SLC8A3: variants seen among roughly 807,000 people sequenced by gnomAD.
The protein encoded by SLC8A3 is sodium/calcium exchanger 3.
In SLC8A3, 37 loss-of-function variants were observed where a neutral mutation model predicts 65.4. The ratio of observed to expected loss-of-function variants is 0.57; its 90% confidence interval spans 0.44 to 0.74. SLC8A3 has a LOEUF of 0.74. SLC8A3 is among the 30% of genes least tolerant of loss of function. The pLI is 0.00. For synonymous variants in SLC8A3, 461 were observed against 444.5 expected (o/e 1.04, Z -0.47); for missense variants, 1,112 against 1,172.1 (o/e 0.95, Z 0.75).
intron 2 of SLC8A3, among the ~76,000 whole-genome samples, chr14:70,075,746 A>G (rs1376905827): frequency 6.6e-6 from 1 of 152,176 alleles, no homozygotes; most frequent in Non-Finnish European, 1.5e-5. Flanking sequence ...TTTTAAAGAA[A>G]ATTATAACAT....
At chr14:70,174,231 C>A (rs369810197) in intron 1 of SLC8A3, among the ~76,000 whole-genome samples, 3 of 152,202 alleles carry the variant, frequency 2.0e-5, no homozygotes, top group Non-Finnish European at 4.4e-5. Context: ...TGGAGGCCCC[C>A]GACAAGCTTG....
intron 2 of SLC8A3, among the ~76,000 whole-genome samples, chr14:70,118,455 C>G (rs984721964): frequency 6.6e-6 from 1 of 152,196 alleles, no homozygotes; most frequent in Non-Finnish European, 1.5e-5. Context: ...TCTTCTCTGC[C>G]TAGAGCTCAG....
intron 1 of SLC8A3, among the ~76,000 whole-genome samples, chr14:70,176,524 C>T (rs1897919670): frequency 6.6e-6 from 1 of 152,196 alleles, no homozygotes; most frequent in South Asian, 2.1e-4. Context: ...AGAGAAGGAA[C>T]CTCACCTGAC....
Position 70,176,643 on chromosome 14 carries a change from T to C in SLC8A3, c.-62-8159A>G, listed in dbSNP as rs530596604. ...CGCACAAATGGGTACCACAAGACATTTCTATGCGCTGGACAAACATCTCAC... is the reference window on the plus strand; with the variant it reads ...CGCACAAATGGGTACCACAAGACATCTCTATGCGCTGGACAAACATCTCAC... On this transcript the variant is annotated intron_variant, in intron 1 of 6. Coordinates refer to ENST00000356921, the MANE Select transcript of SLC8A3 (RefSeq NM_182932.3). Among the ~76,000 whole-genome samples the C allele has an allele frequency of 1.2e-3, 185 of 152,290 alleles. 1 individual carries two copies. The highest frequency in any genetic ancestry group is 0.011 in the South Asian group (53 of 4,820).
chr14:70,057,249 C>T (rs543304621), intron 3 of SLC8A3, among the ~76,000 whole-genome samples: 2 of 152,096 alleles, frequency 1.3e-5, no homozygotes, highest in South Asian at 2.1e-4. Context: ...GGATCAATGG[C>T]TTTCCTCACT....
At chr14:70,089,160 T>A (rs1257825045) in intron 2 of SLC8A3, among the ~76,000 whole-genome samples, 1 of 152,186 alleles carries the variant, frequency 6.6e-6, no homozygotes, top group Admixed American at 6.5e-5. Flanking sequence ...TTCTAGAATG[T>A]TGTTACTTGT....
At chr14:70,066,768 G>A (rs772241638) in intron 2 of SLC8A3, among the ~76,000 whole-genome samples, 70 of 152,154 alleles carry the variant, frequency 4.6e-4, no homozygotes, top group Non-Finnish European at 6.5e-4. Context: ...CCGAGATTGT[G>A]CCATTGCACT....
At chr14:70,127,672 A>G (rs921465237) in intron 2 of SLC8A3, among the ~76,000 whole-genome samples, 4 of 152,194 alleles carry the variant, frequency 2.6e-5, no homozygotes, top group African/African-American at 9.6e-5. Context: ...CACAATTAAC[A>G]GGATATGGAC....
At chr14:70,142,247 CT>C (rs1895627488) in intron 2 of SLC8A3, among the ~76,000 whole-genome samples, 1 of 152,234 alleles carries the variant, frequency 6.6e-6, no homozygotes, top group African/African-American at 2.4e-5. Context: ...CCTGAGCTCT[CT>C]TGGGAGATGC....
chr14:70,093,892 G>A (rs892369115), intron 2 of SLC8A3, among the ~76,000 whole-genome samples: 1 of 152,220 alleles, frequency 6.6e-6, no homozygotes, highest in African/African-American at 2.4e-5. Context: ...TAGCTCATGA[G>A]TTGGGCTGAA....
At position 70,150,227 on chromosome 14, in the gene SLC8A3, A is replaced by G. The variant is rs150186302; in HGVS notation, c.1784+16412T>C. 2.2e-4 allele frequency among the ~76,000 whole-genome samples: 34 copies of G among 152,344 alleles called. 2 individuals are homozygous for G. The East Asian group carries it at 6.6e-3, about 29-fold the overall frequency. On this transcript the variant is annotated intron_variant, in intron 2 of 6. Coordinates refer to ENST00000356921, the MANE Select transcript of SLC8A3 (RefSeq NM_182932.3). ...GTTTTATATTGCATAATTGTATTCA[A>G]TCCTCACAATAACCCTATAAGGTAG... is the stretch of plus-strand genomic sequence containing the variant.
At chr14:70,097,924 C>T (rs1892296938) in intron 2 of SLC8A3, among the ~76,000 whole-genome samples, 1 of 152,156 alleles carries the variant, frequency 6.6e-6, no homozygotes, top group Non-Finnish European at 1.5e-5. Context: ...TCTCTGACCC[C>T]CTAGATCCCG....
At chr14:70,136,726 A>C (rs1895225702) in intron 2 of SLC8A3, among the ~76,000 whole-genome samples, 1 of 152,166 alleles carries the variant, frequency 6.6e-6, no homozygotes, top group South Asian at 2.1e-4. Context: ...TCTCAACCTA[A>C]AACTGTTTAA....
At chr14:70,183,797 A>G (rs114889618) in intron 1 of SLC8A3, among the ~76,000 whole-genome samples, 4,268 of 152,306 alleles carry the variant, frequency 0.028, 200 homozygotes, top group African/African-American at 0.097. Context: ...TCCAGGACAC[A>G]TAGCCCTCCT....
intron 2 of SLC8A3, among the ~76,000 whole-genome samples, chr14:70,065,379 C>T (rs980244176): frequency 6.6e-6 from 1 of 152,132 alleles, no homozygotes; most frequent in African/African-American, 2.4e-5. Context: ...GAACTCCAAA[C>T]CCTCATCACT....
In SLC8A3 at chr14:70,051,245, C is replaced by T. The variant is rs1041730589; in HGVS notation, c.2014-138G>A. 7 of 618,338 alleles carry T rather than the reference C, an allele frequency of 1.1e-5. No homozygotes were observed. In the African/African-American group the frequency reaches 1.3e-4, roughly 11 times the overall value. 38.3% of individuals were successfully genotyped at this position (618,338 alleles called of 1,614,324 possible). ...TACGCATGGAATGGCCTTGGGCGAT[C>T]TCTTTTGAGGCAATCCTTCTATTTC... On this transcript the variant is annotated intron_variant, in intron 4 of 6. Coordinates refer to ENST00000356921, the MANE Select transcript of SLC8A3 (RefSeq NM_182932.3).
chr14:70,138,173 T>A (rs1156803042), intron 2 of SLC8A3, among the ~76,000 whole-genome samples: 3 of 152,146 alleles, frequency 2.0e-5, no homozygotes, highest in Non-Finnish European at 4.4e-5. Context: ...ACTGTGTGCC[T>A]CTGTGGAGCC....
rs765936136 is a variant in SLC8A3, at chr14:70,168,341, G to C, written c.82C>G (p.Leu28Val). 1.2e-6 allele frequency: 2 copies of C among 1,614,120 alleles called. No individual in the cohort carries two copies. Among genetic ancestry groups the C allele is most frequent in the South Asian group, 1.1e-5 (1 of 91,066 alleles). The part of the protein sequence containing the change: ...LVTFVLFLNG[L>V]RAEAGGSGDV... ...CCTGAGCCACCAGCCTCTGCTCGAA[G>C]ACCATTCAGGAAGAGCACAAAGGTA... The change falls in exon 2 of 7, where the codon CTT becomes GTT. Residue 28 changes from leucine to valine, a missense_variant. By Grantham distance (32) the Leu-to-Val change is conservative. Coordinates refer to ENST00000356921, the MANE Select transcript of SLC8A3 (RefSeq NM_182932.3).
At chr14:70,132,866 G>T (rs1894938756) in intron 2 of SLC8A3, among the ~76,000 whole-genome samples, 1 of 152,122 alleles carries the variant, frequency 6.6e-6, no homozygotes, top group South Asian at 2.1e-4. Context: ...ATGACAGAAG[G>T]AGATCTTCAA....
Sources: allele counts gnomAD v4.1 joint callset (sites outside exome capture counted in the v4.1 genomes callset), GRCh38; gene constraint gnomAD v4.1.1; transcripts MANE v1.5; gene names NCBI Gene and HGNC (gene_info 2026-07-23, HGNC 2026-07-21).